The following C8orf34 variants were observed in gnomAD, a reference collection of about 807,000 sequenced individuals.
C8orf34 encodes the protein chromosome 8 open reading frame 34.
A neutral mutation model predicts 68.3 loss-of-function variants in C8orf34; 65 were observed. That is an observed-to-expected ratio of 0.95 (90% CI 0.78 to 1.17). C8orf34 has a LOEUF of 1.17. C8orf34 is among the 50% of genes most tolerant of loss of function. The pLI is 0.00. For synonymous variants in C8orf34, 244 were observed against 241.2 expected, an observed-to-expected ratio of 1.01 and a Z score of -0.11; for missense variants, 664 against 655.4, an observed-to-expected ratio of 1.01 and a Z score of -0.14.
At chr8:68,413,703 T>C (rs1206829849) in intron 1 of C8orf34, among the ~76,000 whole-genome samples, 3 of 152,244 alleles carry the variant, frequency 2.0e-5, no homozygotes, top group African/African-American at 7.2e-5. Context: ...AGTTTACTTC[T>C]GTAATTTTTG....
intron 8 of C8orf34, among the ~76,000 whole-genome samples, chr8:68,669,408 C>T (rs1819940609): frequency 1.3e-5 from 2 of 152,100 alleles, no homozygotes; most frequent in African/African-American, 4.8e-5. Context: ...CAGGAATGAG[C>T]TCTCACTTGA....
chr8:68,402,977 C>G (rs183703034), intron 1 of C8orf34, among the ~76,000 whole-genome samples: 52 of 152,286 alleles, frequency 3.4e-4, no homozygotes, highest in African/African-American at 1.1e-3. Flanking sequence ...GTACCCCTCC[C>G]CAGTCACTGG....
chr8:68,483,522 G>A (rs1054662164), intron 4 of C8orf34, among the ~76,000 whole-genome samples: 4 of 152,138 alleles, frequency 2.6e-5, no homozygotes, highest in African/African-American at 7.2e-5. Context: ...ACTGAAGTAC[G>A]ATAGCATCAA....
Position 68,343,978 on chromosome 8 carries a change from C to T in C8orf34, c.327+12639C>T, listed in dbSNP as rs571687920. On this transcript the variant is annotated intron_variant, in intron 1 of 13. Transcript: ENST00000518698. ...CTGGGCTTAAGCAATCTGCCTGTCT[C>T]GGCCTCCCAAAGTTCTGAGATTACA... is the stretch of plus-strand genomic sequence containing the variant. Among the ~76,000 whole-genome samples the T allele has an allele frequency of 6.6e-5, 10 of 152,118 alleles. No individual in the cohort carries two copies. In the South Asian group the frequency reaches 1.7e-3, roughly 25 times the overall value.
intron 12 of C8orf34, among the ~76,000 whole-genome samples, chr8:68,806,731 G>A (rs1378389934): frequency 3.3e-5 from 5 of 152,100 alleles, no homozygotes; most frequent in Non-Finnish European, 5.9e-5. Context: ...TGGTAGCTGT[G>A]GATTGTGCCT....
At chr8:68,532,931 T>G in intron 6 of C8orf34, 52 bp from the exon 7 acceptor site, 1 of 1,294,602 alleles carries the variant, frequency 7.7e-7, no homozygotes, top group Non-Finnish European at 1.1e-6. Flanking sequence ...GAAATTTATT[T>G]GTAGATTTTC....
intron 7 of C8orf34, chr8:68,533,487 T>C: frequency 9.9e-7 from 1 of 1,005,798 alleles, no homozygotes; most frequent in African/African-American, 1.7e-5. Flanking sequence ...TGTTTACATC[T>C]ATTGTCTATA....
chr8:68,656,856 A>G (rs1480686112), intron 8 of C8orf34, among the ~76,000 whole-genome samples: 1 of 152,134 alleles, frequency 6.6e-6, no homozygotes, highest in African/African-American at 2.4e-5. Flanking sequence ...CAGTCCTGAT[A>G]TTTTCTATAA....
intron 4 of C8orf34, among the ~76,000 whole-genome samples, chr8:68,470,875 C>T (rs75490719): frequency 2.0e-5 from 3 of 152,170 alleles, no homozygotes; most frequent in Admixed American, 1.3e-4. Context: ...CATCACATTG[C>T]GGATTAGAGT....
At chr8:68,473,046 A>T (rs1812448195) in intron 4 of C8orf34, among the ~76,000 whole-genome samples, 1 of 152,108 alleles carries the variant, frequency 6.6e-6, no homozygotes, top group South Asian at 2.1e-4. Flanking sequence ...TCCTTCATAC[A>T]ATGTTTGAAA....
At chr8:68,618,811 T>C (rs956479544) in intron 7 of C8orf34, among the ~76,000 whole-genome samples, 1 of 152,194 alleles carries the variant, frequency 6.6e-6, no homozygotes, top group Non-Finnish European at 1.5e-5. Flanking sequence ...AGGCAGATGG[T>C]CCTCACATTT....
chr8:68,626,694 A>T (rs1046657583), intron 7 of C8orf34, among the ~76,000 whole-genome samples: 4 of 152,322 alleles, frequency 2.6e-5, no homozygotes, highest in African/African-American at 9.6e-5. Context: ...TAAAGTACAC[A>T]TAGGAAGTTC....
At chr8:68,594,609 G>C (rs1280535719) in intron 7 of C8orf34, among the ~76,000 whole-genome samples, 4 of 151,906 alleles carry the variant, frequency 2.6e-5, no homozygotes, top group Admixed American at 2.6e-4. Context: ...TAAAACAACT[G>C]TTCTAGAATT....
intron 7 of C8orf34, among the ~76,000 whole-genome samples, chr8:68,603,888 AAC>A: frequency 6.6e-6 from 1 of 152,270 alleles, no homozygotes; most frequent in Non-Finnish European, 1.5e-5. Flanking sequence ...AAGAAGTCAC[AAC>A]ACAGTAATAT....
At chr8:68,467,866 T>C (rs1812215583) in intron 3 of C8orf34, among the ~76,000 whole-genome samples, 1 of 152,004 alleles carries the variant, frequency 6.6e-6, no homozygotes, top group African/African-American at 2.4e-5. Flanking sequence ...TTTGATTTGC[T>C]ATTTTTGCCC....
Position 68,660,528 on chromosome 8 carries a change from A to G in C8orf34, c.1241+20017A>G, listed in dbSNP as rs139719549. Among the ~76,000 whole-genome samples, 520 of 152,250 alleles carry G rather than the reference A, an allele frequency of 3.4e-3. 3 individuals carry two copies. The highest frequency in any genetic ancestry group is 0.011 in the African/African-American group (459 of 41,556). ...GAGTTCCTTAGACCTTGTCTATGCC[A>G]TGGATACTAGCATGACCCCTACCCA... On this transcript the variant is annotated intron_variant, in intron 8 of 13. Coordinates refer to ENST00000518698, the MANE Select transcript of C8orf34 (RefSeq NM_052958.4).
intron 7 of C8orf34, among the ~76,000 whole-genome samples, chr8:68,588,127 A>G (rs1280096273): frequency 1.3e-5 from 2 of 152,168 alleles, no homozygotes; most frequent in Admixed American, 6.6e-5. Context: ...GGTGACTACA[A>G]TAGCTGCCCT....
chr8:68,396,365 G>T (rs1467357375), intron 1 of C8orf34, among the ~76,000 whole-genome samples: 2 of 151,878 alleles, frequency 1.3e-5, no homozygotes, highest in African/African-American at 4.8e-5. Flanking sequence ...TGTACCATAT[G>T]TAGCACAACT....
chr8:68,509,160 C>G (rs2129633173), intron 5 of C8orf34, among the ~76,000 whole-genome samples: 1 of 152,230 alleles, frequency 6.6e-6, no homozygotes, highest in East Asian at 1.9e-4. Flanking sequence ...TTCCTGCTGA[C>G]AGGGGGCACT....
Sources: allele counts gnomAD v4.1 joint callset (sites outside exome capture counted in the v4.1 genomes callset), GRCh38; gene constraint gnomAD v4.1.1; transcripts MANE v1.5; gene names NCBI Gene and HGNC (gene_info 2026-07-23, HGNC 2026-07-21).